INPP4B: variants seen among roughly 807,000 people sequenced by gnomAD.
The protein encoded by INPP4B is inositol polyphosphate-4-phosphatase type II B.
INPP4B carries 55 observed loss-of-function variants against 122.5 expected under a neutral mutation model. That is an observed-to-expected ratio of 0.45 (90% CI 0.36 to 0.56). INPP4B has a LOEUF of 0.56. Among genes scored for constraint, INPP4B ranks in the 20% least tolerant of loss-of-function variants. The pLI is 0.00. For missense variants in INPP4B, 1,000 were observed against 1,097.7 expected (o/e 0.91, Z 1.26); for synonymous variants, 403 against 388.7 (o/e 1.04, Z -0.43).
At chr4:142,746,287 A>G (rs1768736114) in intron 1 of INPP4B, among the ~76,000 whole-genome samples, 1 of 152,130 alleles carries the variant, frequency 6.6e-6, no homozygotes, top group African/African-American at 2.4e-5. Context: ...TACAAACAGA[A>G]TAACATACCT....
chr4:142,757,631 C>G (rs1770692752), intron 1 of INPP4B, among the ~76,000 whole-genome samples: 1 of 152,148 alleles, frequency 6.6e-6, no homozygotes, highest in African/African-American at 2.4e-5. Context: ...CTTCTTAGCA[C>G]TGAATAATTT....
intron 25 of INPP4B, among the ~76,000 whole-genome samples, chr4:142,057,955 A>G (rs1295063834): frequency 6.6e-6 from 1 of 151,804 alleles, no homozygotes; most frequent in African/African-American, 2.4e-5. Flanking sequence ...TCTGGATTCA[A>G]CCAGATGGCA....
intron 15 of INPP4B, among the ~76,000 whole-genome samples, chr4:142,184,578 A>G (rs781104483): frequency 2.0e-5 from 3 of 152,086 alleles, no homozygotes; most frequent in Non-Finnish European, 4.4e-5. Context: ...ATTCCCCCAT[A>G]TATATATCCA....
At chr4:142,465,446 A>G (rs1817590283) in intron 2 of INPP4B, among the ~76,000 whole-genome samples, 1 of 152,232 alleles carries the variant, frequency 6.6e-6, no homozygotes, top group Non-Finnish European at 1.5e-5. Flanking sequence ...ATTAGGACAC[A>G]GAAGTTTTCT....
At chr4:142,239,847 C>A (rs1262443877) in intron 11 of INPP4B, among the ~76,000 whole-genome samples, 1 of 151,842 alleles carries the variant, frequency 6.6e-6, no homozygotes, top group Non-Finnish European at 1.5e-5. Context: ...CTTAGTTTAT[C>A]TAGAGTCAGT....
At chr4:142,391,186 T>C (rs753101909) in intron 7 of INPP4B, among the ~76,000 whole-genome samples, 4 of 152,198 alleles carry the variant, frequency 2.6e-5, no homozygotes, top group Admixed American at 2.0e-4. Flanking sequence ...AAATTACCTA[T>C]AATAACCCAT....
intron 2 of INPP4B, among the ~76,000 whole-genome samples, chr4:142,677,877 A>G (rs1186317704): frequency 6.6e-6 from 1 of 152,004 alleles, no homozygotes; most frequent in Non-Finnish European, 1.5e-5. Context: ...GCATTAGGAG[A>G]AATACCTAGT....
chr4:142,832,090 T>C (rs931981338), intron 1 of INPP4B, among the ~76,000 whole-genome samples: 3 of 152,206 alleles, frequency 2.0e-5, no homozygotes, highest in Admixed American at 2.0e-4. Context: ...GCTGCCAATT[T>C]CTACGGATGG....
chr4:142,343,468 T>C (rs1032556690), intron 7 of INPP4B, among the ~76,000 whole-genome samples: 4 of 147,470 alleles, frequency 2.7e-5, no homozygotes, highest in East Asian at 2.0e-4. Flanking sequence ...CATAAATTTC[T>C]ATACCTGTTA....
chr4:142,262,975 G>T (rs10004835), intron 10 of INPP4B, among the ~76,000 whole-genome samples: 15,187 of 152,174 alleles, frequency 0.1, 879 homozygotes, highest in South Asian at 0.21. Context: ...ATTTTTGCTG[G>T]TATCATCAGT....
chr4:142,710,799 A>T (rs1001784390), intron 2 of INPP4B, among the ~76,000 whole-genome samples: 1 of 152,208 alleles, frequency 6.6e-6, no homozygotes, highest in Non-Finnish European at 1.5e-5. Flanking sequence ...GATATAATAC[A>T]TTCATAGTTG....
chr4:142,453,159 C>A (rs1560673835), intron 3 of INPP4B, among the ~76,000 whole-genome samples: 1 of 152,104 alleles, frequency 6.6e-6, no homozygotes, highest in Non-Finnish European at 1.5e-5. Flanking sequence ...GCTGGAGATT[C>A]TTTTTTCGCA....
intron 2 of INPP4B, among the ~76,000 whole-genome samples, chr4:142,590,603 AC>A (rs1737220334): frequency 6.6e-6 from 1 of 152,146 alleles, no homozygotes; most frequent in Admixed American, 6.5e-5. Flanking sequence ...CAGATTAGCA[AC>A]AGGAGGAGGC....
chr4:142,435,088 A>G (rs1049203327), intron 3 of INPP4B, among the ~76,000 whole-genome samples: 10 of 152,128 alleles, frequency 6.6e-5, no homozygotes, highest in Non-Finnish European at 1.2e-4. Flanking sequence ...ACCCAGTAAC[A>G]CATGAGACAA....
At chr4:142,813,775 T>C (rs1300570434) in intron 1 of INPP4B, among the ~76,000 whole-genome samples, 4 of 152,170 alleles carry the variant, frequency 2.6e-5, no homozygotes, top group Non-Finnish European at 5.9e-5. Flanking sequence ...ACAAAGTAAC[T>C]GATGTAACCT....
At chr4:142,336,569 G>A (rs190302930) in intron 7 of INPP4B, among the ~76,000 whole-genome samples, 271 of 152,372 alleles carry the variant, frequency 1.8e-3, no homozygotes, top group African/African-American at 6.3e-3. Flanking sequence ...CCAGGGGTTG[G>A]GGGAAGAAGA....
intron 3 of INPP4B, among the ~76,000 whole-genome samples, chr4:142,433,589 C>T (rs1809795062): frequency 1.3e-5 from 2 of 152,154 alleles, no homozygotes; most frequent in Admixed American, 6.5e-5. Context: ...CTGACAGACA[C>T]ATAAAATCAT....
At chr4:142,638,349 A>G (rs1749615532) in intron 2 of INPP4B, among the ~76,000 whole-genome samples, 1 of 152,080 alleles carries the variant, frequency 6.6e-6, no homozygotes, top group Non-Finnish European at 1.5e-5. Context: ...TCTATGGTTC[A>G]TTTTGAGTAA....
chr4:142,447,297 A>G lies in INPP4B; in HGVS notation c.-127+15366T>C, dbSNP rs73850884. Among the ~76,000 whole-genome samples the G allele has an allele frequency of 2.9e-3, 445 of 152,312 alleles. 2 individuals are homozygous for G. Among genetic ancestry groups the G allele is most frequent in the African/African-American group, 0.01 (431 of 41,578 alleles). On this transcript the variant is annotated intron_variant, in intron 3 of 25. Transcript: ENST00000262992. Reference sequence around the variant, plus strand: ...GCAGCCTGGAGAAGAAGGACAGTATAGTGGACACAGTGTTGGGATTTTGCC... The same window carrying G: ...GCAGCCTGGAGAAGAAGGACAGTATGGTGGACACAGTGTTGGGATTTTGCC...
Sources: allele counts gnomAD v4.1 joint callset (sites outside exome capture counted in the v4.1 genomes callset), GRCh38; gene constraint gnomAD v4.1.1; transcripts MANE v1.5; gene names NCBI Gene and HGNC (gene_info 2026-07-23, HGNC 2026-07-21).